CDH6: variants seen among roughly 807,000 people sequenced by gnomAD.
CDH6 encodes cadherin-6.
A neutral mutation model predicts 78.0 loss-of-function variants in CDH6; 31 were observed. The observed-to-expected ratio is 0.40, with a 90% CI of 0.30 to 0.54. CDH6 has a LOEUF of 0.54. Ranked by LOEUF, CDH6 falls within the 20% of genes least tolerant of loss-of-function variation. CDH6 has a pLI of 0.56. For synonymous variants in CDH6, 376 were observed against 368.8 expected (o/e 1.02, Z -0.23); for missense variants, 724 against 975.9 (o/e 0.74, Z 3.44).
intron 1 of CDH6, among the ~76,000 whole-genome samples, chr5:31,256,184 A>G (rs1406835075): frequency 6.6e-6 from 1 of 152,154 alleles, no homozygotes; most frequent in Admixed American, 6.5e-5. Context: ...TTTTCATTTT[A>G]GTGATGTTGT....
chr5:31,323,207 A>G lies in CDH6; in HGVS notation c.2272A>G (p.Thr758Ala). 1 of 1,614,206 alleles carries G rather than the reference A, an allele frequency of 6.2e-7. No individual in the cohort carries two copies. Among genetic ancestry groups the G allele is most frequent in the Non-Finnish European group, 8.5e-7 (1 of 1,180,028 alleles). The change falls in exon 12 of 12, where the codon ACG becomes GCG. Residue 758 changes from threonine to alanine, a missense_variant. Physicochemically the swap from Thr to Ala is moderately conservative, Grantham distance 58. Coordinates refer to ENST00000265071, the MANE Select transcript of CDH6 (RefSeq NM_004932.4). ...DSLSSLESVTTDADQDYDYLS... is the reference protein window; with the variant it reads ...DSLSSLESVTADADQDYDYLS... ...CCTGAGCTCGCTGGAGTCAGTGACC[A>G]CGGATGCAGATCAAGACTATGATTA...
chr5:31,312,110 T>C (rs896799272), intron 7 of CDH6, among the ~76,000 whole-genome samples: 1 of 152,312 alleles, frequency 6.6e-6, no homozygotes, highest in Admixed American at 6.5e-5. Flanking sequence ...GTGATGTAAG[T>C]GATTCTGTCT....
chr5:31,294,475 AAG>A lies in CDH6; in HGVS notation c.523+220_523+221del, dbSNP rs1222138994. ...ACATTTCCTCTAAAGAGGGTCTGAA[AAG>A]TGGCAGGGTGGGAGTGGGAGGTTGA... On this transcript the variant is annotated intron_variant, in intron 3 of 11. Coordinates refer to ENST00000265071, the MANE Select transcript of CDH6 (RefSeq NM_004932.4). This position sits in a 1 kb window ranked among gnomAD's most constrained non-coding sequence, Gnocchi z 4.1. 5.9e-5 allele frequency among the ~76,000 whole-genome samples: 9 copies of A among 152,180 alleles called. No homozygotes were observed. Among genetic ancestry groups the A allele is most frequent in the Non-Finnish European group, 1.3e-4 (9 of 68,036 alleles).
At chr5:31,253,278 C>A (rs1359535437) in intron 1 of CDH6, among the ~76,000 whole-genome samples, 1 of 152,172 alleles carries the variant, frequency 6.6e-6, no homozygotes, top group African/African-American at 2.4e-5. Flanking sequence ...GGGGCAGTTA[C>A]CCTCATGCTG....
chr5:31,280,286 G>T (rs1173455773), intron 2 of CDH6, among the ~76,000 whole-genome samples: 4 of 152,202 alleles, frequency 2.6e-5, no homozygotes, highest in African/African-American at 9.6e-5. Flanking sequence ...TGATAATATT[G>T]TCTCGCATTG....
intron 1 of CDH6, among the ~76,000 whole-genome samples, chr5:31,255,712 G>A (rs1007434106): frequency 6.6e-6 from 1 of 152,176 alleles, no homozygotes; most frequent in Admixed American, 6.5e-5. Flanking sequence ...TCTCAGGGAA[G>A]AAACCTTTTG....
chr5:31,256,730 G>A (rs1254373909), intron 1 of CDH6, among the ~76,000 whole-genome samples: 1 of 152,202 alleles, frequency 6.6e-6, no homozygotes, highest in East Asian at 1.9e-4. Flanking sequence ...ATTTAAAGAA[G>A]AGGAAATTGG....
intron 1 of CDH6, among the ~76,000 whole-genome samples, chr5:31,257,634 C>A (rs1390522049): frequency 6.6e-6 from 1 of 152,186 alleles, no homozygotes; most frequent in African/African-American, 2.4e-5. Context: ...CTTCATCAGT[C>A]TCCCAAGACC....
chr5:31,284,247 C>T (rs1742950414), intron 2 of CDH6, among the ~76,000 whole-genome samples: 1 of 152,204 alleles, frequency 6.6e-6, no homozygotes, highest in African/African-American at 2.4e-5. Flanking sequence ...GCATGTAGGT[C>T]ATTTTTCCAC....
intron 11 of CDH6, chr5:31,318,733 G>A: frequency 4.4e-6 from 1 of 227,226 alleles, no homozygotes. Context: ...TGTAAAGCTT[G>A]CCTATATAGT....
chr5:31,200,567 T>TACACACACACACACAC (rs10533381), intron 1 of CDH6, among the ~76,000 whole-genome samples: 1 of 144,372 alleles, frequency 6.9e-6, no homozygotes, highest in Non-Finnish European at 1.5e-5. Flanking sequence ...CACACATACA[T>TACACACACACACACAC]ACACACACAC....
chr5:31,307,376 C>T (rs1369553763), intron 7 of CDH6, among the ~76,000 whole-genome samples: 1 of 152,200 alleles, frequency 6.6e-6, no homozygotes. Flanking sequence ...ACAAGCCCCA[C>T]ATCTCAAACA....
intron 1 of CDH6, among the ~76,000 whole-genome samples, chr5:31,208,128 T>C (rs994163836): frequency 1.1e-4 from 16 of 152,212 alleles, no homozygotes; most frequent in Admixed American, 1.3e-4. Flanking sequence ...AGCATTTTCT[T>C]TGACACATAT....
chr5:31,257,166 T>C (rs1180632011), intron 1 of CDH6, among the ~76,000 whole-genome samples: 1 of 152,068 alleles, frequency 6.6e-6, no homozygotes, highest in Non-Finnish European at 1.5e-5. Context: ...CGCATGTTTG[T>C]TTGTTTGTTT....
chr5:31,194,087 G>T (rs1740093393), intron 1 of CDH6, among the ~76,000 whole-genome samples: 1 of 152,086 alleles, frequency 6.6e-6, no homozygotes, highest in Non-Finnish European at 1.5e-5. Flanking sequence ...TGCTGCCGCT[G>T]CTCAGGACCG....
intron 2 of CDH6, among the ~76,000 whole-genome samples, chr5:31,273,097 C>G (rs1022509393): frequency 6.6e-6 from 1 of 152,104 alleles, no homozygotes; most frequent in African/African-American, 2.4e-5. Context: ...CCATACACAC[C>G]TTTAAAATTA....
intron 2 of CDH6, among the ~76,000 whole-genome samples, chr5:31,289,515 T>G (rs1743099503): frequency 6.6e-6 from 1 of 152,234 alleles, no homozygotes; most frequent in Admixed American, 6.5e-5. Context: ...CTGGGTCAAA[T>G]GGTAATTCTA....
At chr5:31,273,675 AT>A (rs1742598097) in intron 2 of CDH6, among the ~76,000 whole-genome samples, 1 of 152,212 alleles carries the variant, frequency 6.6e-6, no homozygotes, top group Non-Finnish European at 1.5e-5. Flanking sequence ...CAATGATTGC[AT>A]TCTACGCAAT....
chr5:31,235,656 C>A (rs961070468), intron 1 of CDH6, among the ~76,000 whole-genome samples: 2 of 152,086 alleles, frequency 1.3e-5, no homozygotes, highest in African/African-American at 4.8e-5. Flanking sequence ...TTATTTGTAG[C>A]AATAAAACCC....
Sources: allele counts gnomAD v4.1 joint callset (sites outside exome capture counted in the v4.1 genomes callset), GRCh38; gene constraint gnomAD v4.1.1; non-coding constraint Gnocchi (gnomAD v3.1); transcripts MANE v1.5; gene names NCBI Gene and HGNC (gene_info 2026-07-23, HGNC 2026-07-21).